The following MED12L variants were observed in gnomAD, a reference collection of about 807,000 sequenced individuals.
The protein encoded by MED12L is mediator complex subunit 12L, also known as mediator of RNA polymerase II transcription subunit 12-like protein.
A neutral mutation model predicts 281.3 loss-of-function variants in MED12L; 60 were observed. The ratio of observed to expected loss-of-function variants is 0.21; its 90% CI spans 0.17 to 0.26. MED12L has a LOEUF of 0.26. Ranked by LOEUF, MED12L falls within the 10% of genes least tolerant of loss-of-function variation. The pLI is 1.00. For synonymous variants in MED12L, 974 were observed against 987.2 expected (o/e 0.99, Z 0.25); for missense variants, 2,146 against 2,680.9 (o/e 0.80, Z 4.41).
At chr3:151,286,987 A>G (rs1217806931) in intron 16 of MED12L, among the ~76,000 whole-genome samples, 1 of 152,190 alleles carries the variant, frequency 6.6e-6, no homozygotes, top group Non-Finnish European at 1.5e-5. Flanking sequence ...CAAGCCTTAG[A>G]AAGTTACTTC....
At chr3:151,294,444 A>G (rs200612301) in intron 16 of MED12L, 117 of 1,614,242 alleles carry the variant, frequency 7.2e-5, no homozygotes, top group Non-Finnish European at 9.2e-5. Flanking sequence ...CACAAGTGAT[A>G]TGGTAGAAAG....
chr3:151,342,583 A>T (rs1193923224), intron 16 of MED12L, among the ~76,000 whole-genome samples: 1 of 152,160 alleles, frequency 6.6e-6, no homozygotes, highest in African/African-American at 2.4e-5. Context: ...GGTACACTCA[A>T]ATGTGAGGAC....
chr3:151,184,445 T>C (rs1458065171), intron 11 of MED12L, among the ~76,000 whole-genome samples: 1 of 152,224 alleles, frequency 6.6e-6, no homozygotes, highest in African/African-American at 2.4e-5. Flanking sequence ...GCTGCGATTA[T>C]CTAGTTTTTC....
chr3:151,147,873 A>G (rs1466581117), intron 5 of MED12L, among the ~76,000 whole-genome samples: 1 of 152,234 alleles, frequency 6.6e-6, no homozygotes, highest in African/African-American at 2.4e-5. Flanking sequence ...TATACAGGCT[A>G]GTTCTCCTGG....
In MED12L at chr3:151,348,358, A is replaced by G. The variant is rs1036830187; in HGVS notation, c.2251-1701A>G. Among the ~76,000 whole-genome samples, 94 of 66,990 alleles carry G rather than the reference A, an allele frequency of 1.4e-3. 2 individuals carry two copies. Among genetic ancestry groups the G allele is most frequent in the Admixed American group, 7.6e-3 (40 of 5,234 alleles). 43.9% of individuals were successfully genotyped at this position (66,990 alleles called of 152,430 possible). A position where few individuals can be genotyped will look rare whatever the true frequency, so the allele number is the denominator to read the frequency against. On this transcript the variant is annotated intron_variant, in intron 16 of 44. Transcript: ENST00000687756. ...ACCAGACCAAAAAAAAAAAAAAAAA[A>G]AAAAAGAAAAAAGAAATATATCAGT...
At chr3:151,141,198 T>TTTTTG (rs1560088043) in intron 5 of MED12L, among the ~76,000 whole-genome samples, 1 of 145,878 alleles carries the variant, frequency 6.9e-6, no homozygotes, top group African/African-American at 2.6e-5. Context: ...TTTTTTTTTT[T>TTTTTG]TTGTTAGTAG....
chr3:151,132,155 AT>A (rs1715490153), intron 5 of MED12L, among the ~76,000 whole-genome samples: 1 of 152,212 alleles, frequency 6.6e-6, no homozygotes, highest in African/African-American at 2.4e-5. Flanking sequence ...AAAGAGAAAT[AT>A]TTTTAAAATG....
chr3:151,269,733 C>T, intron 16 of MED12L: 1 of 420,402 alleles, frequency 2.4e-6, no homozygotes, highest in Non-Finnish European at 4.6e-6. Flanking sequence ...ATAAAGTTCT[C>T]TCCAAGGAAT....
At chr3:151,128,495 C>T (rs530578701) in intron 5 of MED12L, among the ~76,000 whole-genome samples, 2 of 152,198 alleles carry the variant, frequency 1.3e-5, no homozygotes, top group African/African-American at 4.8e-5. Flanking sequence ...GGCTCCCCCC[C>T]TTCCTGTGAT....
chr3:151,200,212 A>C (rs547290510), intron 16 of MED12L, among the ~76,000 whole-genome samples: 5 of 152,070 alleles, frequency 3.3e-5, no homozygotes, highest in South Asian at 2.1e-4. Context: ...AAGTCTTGTC[A>C]TGTCCCTCCC....
intron 8 of MED12L, among the ~76,000 whole-genome samples, chr3:151,161,861 G>A (rs1041099835): frequency 3.3e-5 from 5 of 152,142 alleles, no homozygotes; most frequent in Non-Finnish European, 7.3e-5. Context: ...GTAGAGTATT[G>A]GAGACATCTG....
At chr3:151,206,071 ATTTTTTTTTTTT>A (rs60866327) in intron 16 of MED12L, among the ~76,000 whole-genome samples, 1 of 124,168 alleles carries the variant, frequency 8.1e-6, no homozygotes, top group African/African-American at 2.9e-5. Flanking sequence ...AAAGAAAATA[ATTTTTTTTTTTT>A]TTTTTTTTTG....
At chr3:151,231,205 G>C (rs977350334) in intron 16 of MED12L, among the ~76,000 whole-genome samples, 1 of 152,230 alleles carries the variant, frequency 6.6e-6, no homozygotes, top group African/African-American at 2.4e-5. Flanking sequence ...ATGCTGGCTA[G>C]TAAAGGTAGA....
intron 5 of MED12L, among the ~76,000 whole-genome samples, chr3:151,140,271 A>C (rs1354583917): frequency 1.3e-5 from 2 of 152,258 alleles, no homozygotes; most frequent in Non-Finnish European, 2.9e-5. Context: ...AAAATAACAT[A>C]AAATTTACCA....
chr3:151,171,971 T>G (rs986745106), intron 11 of MED12L, among the ~76,000 whole-genome samples: 2 of 152,234 alleles, frequency 1.3e-5, no homozygotes, highest in Non-Finnish European at 2.9e-5. Flanking sequence ...TGAATTCATT[T>G]TTTAGACCTC....
intron 2 of MED12L, among the ~76,000 whole-genome samples, chr3:151,109,061 ATTTTTTT>A (rs11370443): frequency 6.8e-6 from 1 of 146,722 alleles, no homozygotes; most frequent in African/African-American, 2.5e-5. Context: ...GAAGGTCTGA[ATTTTTTT>A]TTTTTTTGAG....
chr3:151,101,759 T>C (rs887820065), intron 2 of MED12L, among the ~76,000 whole-genome samples: 1 of 152,140 alleles, frequency 6.6e-6, no homozygotes, highest in Non-Finnish European at 1.5e-5. Flanking sequence ...TTTATCTCAC[T>C]AGCTCATGCC....
At chr3:151,338,524 T>C in intron 16 of MED12L, 1 of 1,613,950 alleles carries the variant, frequency 6.2e-7, no homozygotes, top group Admixed American at 1.7e-5. Context: ...CTGATATACA[T>C]TGTGAAATAA....
chr3:151,142,023 G>A (rs557503323), intron 5 of MED12L, among the ~76,000 whole-genome samples: 13 of 152,104 alleles, frequency 8.5e-5, no homozygotes, highest in Non-Finnish European at 1.5e-4. Flanking sequence ...TGGTATATAC[G>A]TGCATACTTG....
Sources: gnomAD v4.1 joint callset for allele counts (sites outside exome capture counted in the v4.1 genomes callset) on GRCh38, gnomAD v4.1.1 for gene constraint, MANE v1.5 for transcripts, NCBI Gene and HGNC (gene_info 2026-07-23, HGNC 2026-07-21) for gene names.